Variants in ABHD18 observed in about 807,000 individuals in gnomAD.
ABHD18 encodes the protein abhydrolase domain containing 18.
ABHD18 carries 55 observed loss-of-function variants against 65.9 expected under a neutral mutation model. The ratio of observed to expected loss-of-function variants is 0.84; its 90% CI spans 0.67 to 1.05. The LOEUF (loss-of-function observed/expected upper bound fraction) is 1.05. Ranked by LOEUF, ABHD18 falls within the 50% of genes least tolerant of loss-of-function variation. The pLI is 0.00. For missense variants in ABHD18, 533 were observed against 558.5 expected (o/e 0.95, Z 0.46); for synonymous variants, 181 against 180.2 (o/e 1.00, Z -0.04).
At position 128,030,637 on chromosome 4, in the gene ABHD18, TA is replaced by T; in HGVS notation, c.1309del (p.Ile437LeufsTer53). Reference protein sequence around the residue: ...CEIRYLEGGHISAYLFKQGLF... With the variant: ...CEIRYLEGGHXSAYLFKQGLF... The stretch of plus-strand genomic sequence containing the variant: ...AAATCCGATACTTAGAAGGGGGTCA[TA>T]TTAGTGCTTATCTTTTTAAACAAGG... On this transcript the variant is annotated frameshift_variant, in exon 12 of 13. Coordinates refer to ENST00000645843, the MANE Select transcript of ABHD18 (RefSeq NM_001358451.3). LOFTEE classifies it high-confidence loss of function. 6.2e-7 allele frequency: 1 copy of T among 1,601,624 alleles called. No homozygotes were observed. The highest frequency in any genetic ancestry group is 8.5e-7 in the Non-Finnish European group (1 of 1,177,692).
intron 10 of ABHD18, among the ~76,000 whole-genome samples, chr4:128,023,295 G>T (rs893556345): frequency 2.0e-5 from 3 of 150,614 alleles, no homozygotes; most frequent in Admixed American, 6.7e-5. Flanking sequence ...ACCAGGCGTG[G>T]TGGCACATGC....
chr4:128,004,803 C>T lies in ABHD18; in HGVS notation c.279-4117C>T, dbSNP rs190756409. On this transcript the variant is annotated intron_variant, in intron 4 of 12. Coordinates refer to ENST00000645843, the MANE Select transcript of ABHD18 (RefSeq NM_001358451.3). ...GTGTGTGCCTGTAATCCCAGCTACT[C>T]GAGAGGCTGAGGCAGGAGAATCACT... Among the ~76,000 whole-genome samples the T allele has an allele frequency of 4.5e-3, 675 of 151,318 alleles. 10 individuals carry two copies. Among genetic ancestry groups the T allele is most frequent in the African/African-American group, 0.016 (643 of 41,190 alleles).
intron 7 of ABHD18, among the ~76,000 whole-genome samples, chr4:128,014,309 C>T (rs1455807471): frequency 6.6e-6 from 1 of 152,020 alleles, no homozygotes; most frequent in African/African-American, 2.4e-5. Context: ...GGAACCAAGC[C>T]CAGAATTCAG....
chr4:128,035,685 A>G (rs745670084), intron 12 of ABHD18, 77 bp from the exon 13 acceptor site: 51 of 826,194 alleles, frequency 6.2e-5, no homozygotes, highest in East Asian at 1.1e-4. Context: ...AAATTTGGAA[A>G]TAACTTACAG....
chr4:127,979,629 A>G (rs549182753), intron 1 of ABHD18, among the ~76,000 whole-genome samples: 1 of 151,972 alleles, frequency 6.6e-6, no homozygotes, highest in Non-Finnish European at 1.5e-5. Flanking sequence ...AATATTAACA[A>G]TGGCGGCCGG....
At chr4:127,995,353 T>A (rs926348178) in intron 4 of ABHD18, among the ~76,000 whole-genome samples, 5 of 152,356 alleles carry the variant, frequency 3.3e-5, no homozygotes, top group Middle Eastern at 3.4e-3. Flanking sequence ...TTATGCCATA[T>A]TCCAAATTGA....
At chr4:128,001,873 C>A in intron 4 of ABHD18, 2 of 1,186,726 alleles carry the variant, frequency 1.7e-6, no homozygotes, top group Non-Finnish European at 2.2e-6. Flanking sequence ...CTTGTGCCTG[C>A]CACTCAGAAG....
chr4:128,032,756 C>T (rs1278365061), intron 12 of ABHD18, among the ~76,000 whole-genome samples: 1 of 151,958 alleles, frequency 6.6e-6, no homozygotes, highest in Non-Finnish European at 1.5e-5. Flanking sequence ...ATAAATAAAG[C>T]CATTCCTTTA....
At chr4:128,012,955 A>G (rs1269590285) in intron 7 of ABHD18, among the ~76,000 whole-genome samples, 1 of 151,244 alleles carries the variant, frequency 6.6e-6, no homozygotes, top group Non-Finnish European at 1.5e-5. Flanking sequence ...AGTCCCAACT[A>G]CTGGGGAGGC....
At chr4:127,985,287 T>C (rs928555244) in intron 3 of ABHD18, among the ~76,000 whole-genome samples, 5 of 152,176 alleles carry the variant, frequency 3.3e-5, no homozygotes, top group Admixed American at 1.3e-4. Flanking sequence ...TGTAATTGCA[T>C]ACTTGGAGGT....
chr4:128,011,470 G>C (rs887417454), intron 6 of ABHD18, among the ~76,000 whole-genome samples: 1 of 143,560 alleles, frequency 7.0e-6, no homozygotes. Flanking sequence ...GATTATATCA[G>C]TAAAGCTGGT....
chr4:127,994,007 C>T (rs1751342757), intron 4 of ABHD18, among the ~76,000 whole-genome samples: 1 of 152,144 alleles, frequency 6.6e-6, no homozygotes. Context: ...CCTATTTGTC[C>T]TATTGTCATT....
At chr4:128,023,034 G>T (rs1756776029) in intron 10 of ABHD18, among the ~76,000 whole-genome samples, 1 of 152,056 alleles carries the variant, frequency 6.6e-6, no homozygotes, top group South Asian at 2.1e-4. Context: ...CTCCCAGAGT[G>T]CTGGGATTAC....
Position 127,983,048 on chromosome 4 carries a change from G to A in ABHD18, c.92+1G>A. The stretch of plus-strand genomic sequence containing the variant: ...GGGGAAGGCCAGAAGATCTCAAAAG[G>A]CAAGCAATTTTTTTTCCTGAATACT... On this transcript the variant is annotated splice_donor_variant, in intron 2 of 12. Coordinates refer to ENST00000645843, the MANE Select transcript of ABHD18 (RefSeq NM_001358451.3). LOFTEE classifies it high-confidence loss of function. 1.3e-6 allele frequency: 2 copies of A among 1,549,044 alleles called. No individual in the cohort carries two copies. Among genetic ancestry groups the A allele is most frequent in the Non-Finnish European group, 1.7e-6 (2 of 1,145,994 alleles).
chr4:128,010,781 G>C (rs1204615140), intron 6 of ABHD18, among the ~76,000 whole-genome samples: 1 of 151,904 alleles, frequency 6.6e-6, no homozygotes, highest in Non-Finnish European at 1.5e-5. Context: ...CAGGCGTGGT[G>C]GCGTGTGCCT....
At chr4:128,003,501 C>A (rs1753043308) in intron 4 of ABHD18, among the ~76,000 whole-genome samples, 1 of 150,912 alleles carries the variant, frequency 6.6e-6, no homozygotes, top group Non-Finnish European at 1.5e-5. Flanking sequence ...GAAAAACACC[C>A]AATTAATCTA....
chr4:128,032,245 G>T (rs183093718), intron 12 of ABHD18, among the ~76,000 whole-genome samples: 36 of 152,280 alleles, frequency 2.4e-4, no homozygotes, highest in Admixed American at 1.4e-3. Context: ...GAACAAAAAA[G>T]ATTAAGTAAC....
At chr4:127,993,606 T>G in intron 4 of ABHD18, among the ~76,000 whole-genome samples, 1 of 152,230 alleles carries the variant, frequency 6.6e-6, no homozygotes, top group Non-Finnish European at 1.5e-5. Flanking sequence ...CACCAATGAG[T>G]GTTAACCACT....
At chr4:128,016,142 C>A (rs763667026) in intron 7 of ABHD18, among the ~76,000 whole-genome samples, 1 of 151,776 alleles carries the variant, frequency 6.6e-6, no homozygotes, top group Non-Finnish European at 1.5e-5. Flanking sequence ...TTAGTAGAGA[C>A]AGGGTTTTAT....
Sources: gnomAD v4.1 joint callset for allele counts (sites outside exome capture counted in the v4.1 genomes callset) on GRCh38, gnomAD v4.1.1 for gene constraint, MANE v1.5 for transcripts, NCBI Gene and HGNC (gene_info 2026-07-23, HGNC 2026-07-21) for gene names.